OLFM4: variants seen among roughly 807,000 people sequenced by gnomAD.
OLFM4 encodes the protein olfactomedin-4.
A neutral mutation model predicts 25.5 loss-of-function variants in OLFM4; 22 were observed. That is an observed-to-expected ratio of 0.86 (90% CI 0.62 to 1.23). The LOEUF (loss-of-function observed/expected upper bound fraction) is 1.23, where lower values mean the gene tolerates loss of function less well. OLFM4 is among the 50% of genes most tolerant of loss of function. OLFM4 has a pLI of 0.00. For missense variants in OLFM4, 594 were observed against 619.4 expected, an observed-to-expected ratio of 0.96 and a Z score of 0.44; for synonymous variants, 255 against 237.7, an observed-to-expected ratio of 1.07 and a Z score of -0.67.
At chr13:53,040,084 T>C (rs1269241124) in intron 2 of OLFM4, among the ~76,000 whole-genome samples, 2 of 152,158 alleles carry the variant, frequency 1.3e-5, no homozygotes, top group Non-Finnish European at 2.9e-5. Flanking sequence ...ATCACTTCAG[T>C]TCAAATTTTT....
intron 4 of OLFM4, among the ~76,000 whole-genome samples, chr13:53,047,367 C>T (rs886162075): frequency 6.6e-6 from 1 of 152,024 alleles, no homozygotes; most frequent in Non-Finnish European, 1.5e-5. Context: ...GTATCGTGTC[C>T]AAGATGGTTT....
Position 53,041,954 on chromosome 13 carries a change from G to C in OLFM4, c.402G>C (p.Leu134=), listed in dbSNP as rs1460682868. 1 of 1,613,972 alleles carries C rather than the reference G, an allele frequency of 6.2e-7. No homozygotes were observed. The highest frequency in any genetic ancestry group is 2.2e-5 in the East Asian group (1 of 44,868). ...VQLISVYEKK[L]LNLTVRIDIM... ...TAATTAGTGTGTATGAAAAGAAACT[G>C]TTAAACCTAACTGTCCGAATTGACA... The change falls in exon 3 of 5, where the codon CTG becomes CTC. Residue 134 remains leucine (L), a synonymous_variant. Transcript: ENST00000219022.
At chr13:53,030,849 G>A (rs998354551) in intron 1 of OLFM4, among the ~76,000 whole-genome samples, 12 of 152,136 alleles carry the variant, frequency 7.9e-5, no homozygotes, top group Non-Finnish European at 1.5e-4. Context: ...ATCATAAGTA[G>A]GCACAAGGAT....
chr13:53,049,089 C>G (rs1593483256), intron 4 of OLFM4, among the ~76,000 whole-genome samples: 1 of 152,070 alleles, frequency 6.6e-6, no homozygotes, highest in South Asian at 2.1e-4. Flanking sequence ...TGAATCTTGT[C>G]CCACTTGATT....
chr13:53,028,967 CCAGCTT>C lies in OLFM4; in HGVS notation c.137_142del (p.Phe46_Ser47del). The C allele has an allele frequency of 6.2e-7, 1 of 1,613,896 alleles. No individual in the cohort carries two copies. The highest frequency in any genetic ancestry group is 8.5e-7 in the Non-Finnish European group (1 of 1,179,784). On this transcript the variant is annotated inframe_deletion, in exon 1 of 5. Coordinates refer to ENST00000219022, the MANE Select transcript of OLFM4 (RefSeq NM_006418.5). ...TCTTTCCCAGGTGTTGACTCCAGCT[CCAGCTT>C]CAGCTCCAGCTCCAGGTCGGGCTCC...
At chr13:53,029,789 G>C (rs557825462) in intron 1 of OLFM4, among the ~76,000 whole-genome samples, 1 of 152,174 alleles carries the variant, frequency 6.6e-6, no homozygotes, top group Non-Finnish European at 1.5e-5. Context: ...GCATTACAAC[G>C]AGGCTGGTAC....
intron 1 of OLFM4, among the ~76,000 whole-genome samples, 169 bp downstream of exon 1, chr13:53,029,209 T>C (rs1346990006): frequency 6.6e-6 from 1 of 152,178 alleles, no homozygotes; most frequent in African/African-American, 2.4e-5. Context: ...AGTAAAATAA[T>C]TAAATTGTTA....
At chr13:53,033,995 T>TAGAGTAAACCCGGGAGGCTGAG (rs1168433547) in intron 1 of OLFM4, among the ~76,000 whole-genome samples, 3 of 65,380 alleles carry the variant, frequency 4.6e-5, no homozygotes, top group Non-Finnish European at 1.3e-4. Context: ...AGCCGGAGCT[T>TAGAGTAAACCCGGGAGGCTGAG]GCAGTGAGCC....
intron 2 of OLFM4, among the ~76,000 whole-genome samples, chr13:53,037,877 A>C (rs565685962): frequency 1.8e-3 from 268 of 152,352 alleles, no homozygotes; most frequent in South Asian, 8.9e-3. Context: ...GAACCAGATT[A>C]ATTCTTTAGC....
Position 53,029,019 on chromosome 13 carries a change from C to G in OLFM4, c.183C>G (p.Gly61=), listed in dbSNP as rs1447491086. 1.2e-6 allele frequency: 2 copies of G among 1,614,168 alleles called. No homozygotes were observed. Among genetic ancestry groups the G allele is most frequent in the Non-Finnish European group, 8.5e-7 (1 of 1,180,030 alleles). The change falls in exon 1 of 5, where the codon GGC becomes GGG. Residue 61 remains glycine, a synonymous_variant. Coordinates refer to ENST00000219022, the MANE Select transcript of OLFM4 (RefSeq NM_006418.5). ...GCTCCAGCTCCAGCCGCAGCTTAGG[C>G]AGCGGAGGTTCTGTGTCCCAGGTGA... ...RSGSSSSRSL[G]SGGSVSQLFS...
At chr13:53,047,870 T>C (rs1009757917) in intron 4 of OLFM4, among the ~76,000 whole-genome samples, 7 of 152,194 alleles carry the variant, frequency 4.6e-5, no homozygotes, top group African/African-American at 1.7e-4. Flanking sequence ...GAATAAGTTA[T>C]ATGCATCATC....
chr13:53,034,274 A>G, intron 1 of OLFM4, 74 bp from the exon 2 acceptor site: 1 of 1,514,408 alleles, frequency 6.6e-7, no homozygotes, highest in Non-Finnish European at 9.0e-7. Flanking sequence ...TCGACAAGCC[A>G]ATTTCTGTCA....
At chr13:53,049,833 C>T in intron 4 of OLFM4, 136 bp from the exon 5 acceptor site, 1 of 880,216 alleles carries the variant, frequency 1.1e-6, no homozygotes, top group Non-Finnish European at 1.7e-6. Context: ...GGCTCTTCTC[C>T]ATCAGAACCA....
intron 2 of OLFM4, among the ~76,000 whole-genome samples, chr13:53,038,481 G>C (rs78171723): frequency 6.6e-6 from 1 of 152,192 alleles, no homozygotes; most frequent in East Asian, 1.9e-4. Flanking sequence ...GCCTGTGACT[G>C]TACTGAATAA....
intron 1 of OLFM4, among the ~76,000 whole-genome samples, chr13:53,030,576 C>T (rs1954624239): frequency 6.6e-6 from 1 of 152,204 alleles, no homozygotes; most frequent in Non-Finnish European, 1.5e-5. Context: ...GCTGGGATTA[C>T]AGGCATGAGC....
Position 53,050,391 on chromosome 13 carries a change from T to C in OLFM4, c.1153T>C (p.Phe385Leu). The C allele has an allele frequency of 6.2e-7, 1 of 1,614,082 alleles. No homozygotes were observed. Among genetic ancestry groups the C allele is most frequent in the South Asian group, 1.1e-5 (1 of 91,084 alleles). The stretch of plus-strand genomic sequence containing the variant: ...TAATGTTGCTTGGCAAGATATTGAC[T>C]TTGCTGTGGATGAGAATGGATTGTG... ...YANVAWQDID[F>L]AVDENGLWVI... The change falls in exon 5 of 5, where the codon TTT becomes CTT. Residue 385 changes from phenylalanine to leucine, a missense_variant. Physicochemically the swap from Phe to Leu is conservative, Grantham distance 22 (BLOSUM62 0). Transcript: ENST00000219022.
At chr13:53,036,605 G>A (rs545076547) in intron 2 of OLFM4, among the ~76,000 whole-genome samples, 2 of 152,230 alleles carry the variant, frequency 1.3e-5, no homozygotes, top group South Asian at 2.1e-4. Flanking sequence ...TGAATGTGTC[G>A]GTGGCTGCTC....
chr13:53,032,977 C>T (rs1000076130), intron 1 of OLFM4, among the ~76,000 whole-genome samples: 3 of 152,082 alleles, frequency 2.0e-5, no homozygotes, highest in Non-Finnish European at 2.9e-5. Flanking sequence ...ATTGCTGTCT[C>T]CTTAGAGGTT....
rs745367481 is a variant in OLFM4 at position 53,049,924 on chromosome 13, A to G, written c.731-45A>G. ...GATATTAAACTATTTGTATCCTGTCATTCCTTTTCTCTAAAAATGCCTTTT... is the reference window on the plus strand; with the variant it reads ...GATATTAAACTATTTGTATCCTGTCGTTCCTTTTCTCTAAAAATGCCTTTT... On this transcript the variant is annotated intron_variant, in intron 4 of 4. Transcript: ENST00000219022. The G allele has an allele frequency of 1.3e-5, 20 of 1,520,780 alleles. No individual in the cohort carries two copies. The South Asian group carries it at 2.6e-4, about 19-fold the overall frequency. The allele number at this position is 1,520,780 out of a possible 1,614,324, so 94.2% of individuals were successfully genotyped here.
Sources: gnomAD v4.1 joint callset for allele counts (sites outside exome capture counted in the v4.1 genomes callset) on GRCh38, gnomAD v4.1.1 for gene constraint, MANE v1.5 for transcripts, NCBI Gene and HGNC (gene_info 2026-07-23, HGNC 2026-07-21) for gene names.